TEX9: variants seen among roughly 807,000 people sequenced by gnomAD.
TEX9 encodes testis expressed 9, also known as testis-expressed protein 9.
In TEX9, 74 loss-of-function variants were observed where a neutral mutation model predicts 59.6. That is an observed-to-expected ratio of 1.24 (90% CI 1.03 to 1.51). The LOEUF is 1.51. Ranked by LOEUF, TEX9 falls within the 40% of genes most tolerant of loss-of-function variation. The pLI is 0.00. For missense variants in TEX9, 522 were observed against 447.8 expected (o/e 1.17, Z -1.49); for synonymous variants, 186 against 152.2 (o/e 1.22, Z -1.64).
chr15:56,285,397 A>G (rs1184545616), intron 1 of TEX9, among the ~76,000 whole-genome samples: 2 of 152,220 alleles, frequency 1.3e-5, no homozygotes, highest in African/African-American at 4.8e-5. Context: ...ACATCTGAGT[A>G]CACACCTTAT....
At chr15:56,356,194 G>A (rs1286160778) in intron 1 of TEX9, among the ~76,000 whole-genome samples, 3 of 152,050 alleles carry the variant, frequency 2.0e-5, no homozygotes, top group African/African-American at 7.2e-5. Context: ...CAGTGGAAAT[G>A]CCTGTCTTGT....
chr15:56,302,992 A>G (rs1262548414), intron 1 of TEX9, among the ~76,000 whole-genome samples: 3 of 152,254 alleles, frequency 2.0e-5, no homozygotes, highest in Admixed American at 6.5e-5. Flanking sequence ...AAAGGGGTCA[A>G]TTCAACAACA....
At chr15:56,248,954 G>A (rs1408456709) in intron 1 of TEX9, 3 of 152,134 alleles carry the variant, frequency 2.0e-5, no homozygotes, top group Non-Finnish European at 2.9e-5. Context: ...TTCCTTTCAA[G>A]GCACATTCGA....
intron 1 of TEX9, among the ~76,000 whole-genome samples, chr15:56,300,708 G>GGGGAGAGA (rs1160272154): frequency 5.8e-5 from 6 of 102,672 alleles, no homozygotes; most frequent in Non-Finnish European, 9.8e-5. Context: ...AGAGAGAGAG[G>GGGGAGAGA]GAGAGAGAGA....
At chr15:56,396,023 A>G (rs1208815575) in intron 9 of TEX9, 1 of 152,126 alleles carries the variant, frequency 6.6e-6, no homozygotes, top group Non-Finnish European at 1.5e-5. Flanking sequence ...TTTTGGTGTC[A>G]TATTTAAGGG....
chr15:56,361,305 T>A (rs1403308665), upstream of TEX9, among the ~76,000 whole-genome samples: 2 of 152,206 alleles, frequency 1.3e-5, no homozygotes, highest in Admixed American at 1.3e-4. Context: ...ATTCAGAGTT[T>A]AGATTTTTCT....
chr15:56,431,982 C>T (rs1449052947), intron 12 of TEX9, among the ~76,000 whole-genome samples: 2 of 152,096 alleles, frequency 1.3e-5, no homozygotes, highest in African/African-American at 4.8e-5. Flanking sequence ...TAAATAATCA[C>T]ATCAAAATTC....
At chr15:56,291,420 T>C (rs2045089041) in intron 1 of TEX9, among the ~76,000 whole-genome samples, 1 of 152,188 alleles carries the variant, frequency 6.6e-6, no homozygotes, top group African/African-American at 2.4e-5. Context: ...CTATTTATTA[T>C]ATTTATTCAT....
intron 12 of TEX9, chr15:56,428,580 T>A (rs2050442525): frequency 1.6e-6 from 1 of 608,528 alleles, no homozygotes; most frequent in Non-Finnish European, 2.7e-6. Flanking sequence ...AAGAATTCCC[T>A]TTTTAGATTT....
chr15:56,442,566 G>A (rs1300054805), intron 12 of TEX9, among the ~76,000 whole-genome samples: 1 of 152,156 alleles, frequency 6.6e-6, no homozygotes, highest in African/African-American at 2.4e-5. Flanking sequence ...CCATAAAAAA[G>A]AACAAAATCA....
In TEX9 at chr15:56,394,724, C is replaced by T. The variant is rs1195461081; in HGVS notation, c.718C>T (p.Gln240Ter). The change falls in exon 9 of 13, where the codon CAG becomes TAG. Residue 240 changes from glutamine to a stop codon, truncating the protein, a stop_gained. Transcript: ENST00000352903. LOFTEE classifies it high-confidence loss of function. ...TTTTGAAGAAGATTTTATGAGACAG[C>T]AGCGAACAATTAATATGCAACAGTC... 1 of 1,609,976 alleles carries T rather than the reference C, an allele frequency of 6.2e-7. No individual in the cohort carries two copies. The highest frequency in any genetic ancestry group is 8.5e-7 in the Non-Finnish European group (1 of 1,178,330).
chr15:56,424,740 T>C (rs1439440297), intron 10 of TEX9, among the ~76,000 whole-genome samples: 1 of 152,176 alleles, frequency 6.6e-6, no homozygotes, highest in African/African-American at 2.4e-5. Context: ...CTTTTGTCTT[T>C]TAAATTCGAA....
chr15:56,395,880 A>C (rs1254874134), intron 9 of TEX9: 1 of 152,196 alleles, frequency 6.6e-6, no homozygotes, highest in East Asian at 1.9e-4. Flanking sequence ...CAAGTCCCTT[A>C]TCAGGTATAT....
chr15:56,361,105 G>A (rs1367510404), upstream of TEX9, among the ~76,000 whole-genome samples: 2 of 152,144 alleles, frequency 1.3e-5, no homozygotes, highest in African/African-American at 4.8e-5. Context: ...CACAGAACAG[G>A]TTACTTGGAT....
intron 1 of TEX9, among the ~76,000 whole-genome samples, chr15:56,356,491 T>TC (rs2046687475): frequency 6.6e-6 from 1 of 152,124 alleles, no homozygotes; most frequent in African/African-American, 2.4e-5. Flanking sequence ...TTTTTTTTCT[T>TC]CCTAAAGCAT....
chr15:56,360,961 G>A (rs1337789432), upstream of TEX9, among the ~76,000 whole-genome samples: 1 of 152,080 alleles, frequency 6.6e-6, no homozygotes, highest in African/African-American at 2.4e-5. Flanking sequence ...CCTGTTTTCT[G>A]CCTCCTGACT....
At chr15:56,426,558 AG>A in intron 10 of TEX9, among the ~76,000 whole-genome samples, 1 of 52,614 alleles carries the variant, frequency 1.9e-5, no homozygotes, top group South Asian at 1.1e-3. Flanking sequence ...TCTTTTAAAG[AG>A]GTGTTTTTTT....
intron 1 of TEX9, among the ~76,000 whole-genome samples, chr15:56,351,032 C>T (rs2046568110): frequency 6.6e-6 from 1 of 152,140 alleles, no homozygotes; most frequent in Non-Finnish European, 1.5e-5. Context: ...ATTTTCCCTT[C>T]ATAGGCTGCC....
intron 1 of TEX9, among the ~76,000 whole-genome samples, chr15:56,337,852 C>T (rs940830555): frequency 3.3e-5 from 5 of 152,192 alleles, no homozygotes; most frequent in African/African-American, 1.2e-4. Context: ...GACCTCATTG[C>T]AGGAGTCTGT....
Sources: gnomAD v4.1 joint callset for allele counts (sites outside exome capture counted in the v4.1 genomes callset) on GRCh38, gnomAD v4.1.1 for gene constraint, MANE v1.5 for transcripts, NCBI Gene and HGNC (gene_info 2026-07-23, HGNC 2026-07-21) for gene names.